NDST4: variants seen among roughly 807,000 people sequenced by gnomAD.
The protein encoded by NDST4 is N-heparan sulfate sulfotransferase 4.
A neutral mutation model predicts 100.8 loss-of-function variants in NDST4; 63 were observed. That is an observed-to-expected ratio of 0.62 (90% CI 0.51 to 0.77). The LOEUF (loss-of-function observed/expected upper bound fraction) is 0.77. Among genes scored for constraint, NDST4 ranks in the 30% least tolerant of loss-of-function variants. NDST4 has a pLI of 0.00. For synonymous variants in NDST4, 377 were observed against 361.8 expected (o/e 1.04, Z -0.48); for missense variants, 943 against 1,018.4 (o/e 0.93, Z 1.01).
chr4:114,934,867 A>G (rs1454795277), intron 6 of NDST4, among the ~76,000 whole-genome samples: 2 of 152,128 alleles, frequency 1.3e-5, no homozygotes, highest in Admixed American at 6.5e-5. Flanking sequence ...AAAAATAAAA[A>G]AATTTTATTT....
chr4:114,992,360 G>C (rs552967248), intron 2 of NDST4, among the ~76,000 whole-genome samples: 2 of 151,350 alleles, frequency 1.3e-5, no homozygotes, highest in East Asian at 3.9e-4. Context: ...TCTCACTCCC[G>C]CCCCACCACC....
chr4:114,947,269 A>C (rs959332680), intron 4 of NDST4, among the ~76,000 whole-genome samples: 1 of 152,176 alleles, frequency 6.6e-6, no homozygotes, highest in Non-Finnish European at 1.5e-5. Flanking sequence ...GGGAAGTATG[A>C]TAAAAAGAAA....
intron 2 of NDST4, 58 bp downstream of exon 2, chr4:115,076,001 T>G: frequency 6.6e-7 from 1 of 1,519,924 alleles, no homozygotes; most frequent in Non-Finnish European, 8.8e-7. Context: ...ATTAGTAATA[T>G]TTTATCGGTA....
chr4:115,103,420 TG>T (rs1163537912), intron 1 of NDST4, among the ~76,000 whole-genome samples: 1 of 152,152 alleles, frequency 6.6e-6, no homozygotes, highest in Non-Finnish European at 1.5e-5. Context: ...TGCTCTATAT[TG>T]GCACCTTAAA....
intron 6 of NDST4, among the ~76,000 whole-genome samples, chr4:114,924,745 G>T (rs777938453): frequency 6.6e-6 from 1 of 152,130 alleles, no homozygotes; most frequent in East Asian, 1.9e-4. Flanking sequence ...CATACAGTTC[G>T]ATGGAAGAAA....
At chr4:115,011,628 A>G (rs1276432247) in intron 2 of NDST4, among the ~76,000 whole-genome samples, 1 of 151,964 alleles carries the variant, frequency 6.6e-6, no homozygotes, top group Non-Finnish European at 1.5e-5. Flanking sequence ...ATAAACAATA[A>G]AAATCTATTG....
chr4:115,067,361 C>A (rs1728971304), intron 2 of NDST4, among the ~76,000 whole-genome samples: 1 of 152,098 alleles, frequency 6.6e-6, no homozygotes, highest in African/African-American at 2.4e-5. Flanking sequence ...ACAGATTTTT[C>A]TACTAGTTTA....
chr4:115,107,240 T>A (rs1341774297), intron 1 of NDST4, among the ~76,000 whole-genome samples: 1 of 152,132 alleles, frequency 6.6e-6, no homozygotes, highest in African/African-American at 2.4e-5. Flanking sequence ...TAATTTGAGA[T>A]AATTTACACA....
At chr4:115,090,991 A>G (rs1462698103) in intron 1 of NDST4, among the ~76,000 whole-genome samples, 1 of 152,098 alleles carries the variant, frequency 6.6e-6, no homozygotes, top group Non-Finnish European at 1.5e-5. Flanking sequence ...CTGTTTTTCA[A>G]TATACATCTT....
At chr4:114,988,905 A>G (rs1373495520) in intron 2 of NDST4, among the ~76,000 whole-genome samples, 1 of 152,218 alleles carries the variant, frequency 6.6e-6, no homozygotes, top group African/African-American at 2.4e-5. Flanking sequence ...AGAAAAACAT[A>G]TATACTAAAA....
At chr4:115,085,071 A>G (rs1300580513) in intron 1 of NDST4, among the ~76,000 whole-genome samples, 1 of 152,204 alleles carries the variant, frequency 6.6e-6, no homozygotes, top group East Asian at 1.9e-4. Context: ...CCCCAAGGCC[A>G]TGGGAGCCCA....
In NDST4 at chr4:115,088,717, C is replaced by T. The variant is rs191190136; in HGVS notation, c.-246-11435G>A. Among the ~76,000 whole-genome samples, 130 of 152,026 alleles carry T rather than the reference C, an allele frequency of 8.6e-4. No individual in the cohort carries two copies. In the Middle Eastern group the frequency reaches 0.014, roughly 16 times the overall value. ...GAGTCAAGCTTTTTGAGAGTTTACTCTTATAAATTGTTTCATCTTGTTATT... is the reference window on the plus strand; with the variant it reads ...GAGTCAAGCTTTTTGAGAGTTTACTTTTATAAATTGTTTCATCTTGTTATT... On this transcript the variant is annotated intron_variant, in intron 1 of 13. Transcript: ENST00000264363.
At position 114,922,384 on chromosome 4, in the gene NDST4, C is replaced by A. The variant is rs192036637; in HGVS notation, c.1536+12822G>T. On this transcript the variant is annotated intron_variant, in intron 6 of 13. Coordinates refer to ENST00000264363, the MANE Select transcript of NDST4 (RefSeq NM_022569.3). ...CCATGCATGCTCACCTTCCAAATGTCGGCCGGCCACTGTGCATGTGGACAG... is the reference window on the plus strand; with the variant it reads ...CCATGCATGCTCACCTTCCAAATGTAGGCCGGCCACTGTGCATGTGGACAG... 5.0e-3 allele frequency among the ~76,000 whole-genome samples: 764 copies of A among 152,216 alleles called. 11 individuals carry two copies. The highest frequency in any genetic ancestry group is 0.027 in the Middle Eastern group (8 of 294).
intron 2 of NDST4, among the ~76,000 whole-genome samples, chr4:115,040,243 A>G (rs1349095083): frequency 6.6e-6 from 1 of 150,824 alleles, no homozygotes. Flanking sequence ...TAAAATATAC[A>G]ATAGATCTAA....
intron 2 of NDST4, among the ~76,000 whole-genome samples, chr4:115,072,966 G>T (rs1317308605): frequency 6.6e-6 from 1 of 151,888 alleles, no homozygotes; most frequent in African/African-American, 2.4e-5. Flanking sequence ...TCAAACTCAA[G>T]TATCTCATAG....
intron 2 of NDST4, among the ~76,000 whole-genome samples, chr4:115,022,546 T>C (rs1727881589): frequency 7.0e-6 from 1 of 142,734 alleles, no homozygotes; most frequent in Non-Finnish European, 1.5e-5. Flanking sequence ...TTCTCAGACG[T>C]AAAAATGAAT....
At chr4:115,015,647 G>T (rs1727660255) in intron 2 of NDST4, among the ~76,000 whole-genome samples, 1 of 152,058 alleles carries the variant, frequency 6.6e-6, no homozygotes, top group Non-Finnish European at 1.5e-5. Context: ...GGTGACCTCA[G>T]CAGAGGAGGA....
chr4:114,839,351 C>A, intron 11 of NDST4, 27 bp downstream of exon 11: 2 of 1,572,522 alleles, frequency 1.3e-6, no homozygotes, highest in Non-Finnish European at 8.6e-7. Context: ...ATAAAATAAA[C>A]AGAAGAAAGT....
intron 11 of NDST4, among the ~76,000 whole-genome samples, chr4:114,838,273 G>A (rs1723345031): frequency 6.6e-6 from 1 of 152,284 alleles, no homozygotes; most frequent in African/African-American, 2.4e-5. Context: ...ATTCTTCAAG[G>A]ATCTAGAGCC....
Sources: gnomAD v4.1 joint callset for allele counts (sites outside exome capture counted in the v4.1 genomes callset) on GRCh38, gnomAD v4.1.1 for gene constraint, MANE v1.5 for transcripts, NCBI Gene and HGNC (gene_info 2026-07-23, HGNC 2026-07-21) for gene names.